The following EYS variants were observed in gnomAD, a reference collection of about 807,000 sequenced individuals.
EYS encodes the protein EGF-like photoreceptor maintenance factor, also known as protein eyes shut homolog.
EYS carries 250 observed loss-of-function variants against 282.1 expected under a neutral mutation model. The observed-to-expected ratio is 0.89, with a 90% CI of 0.80 to 0.98. EYS has a LOEUF of 0.98. Among genes scored for constraint, EYS ranks in the 50% least tolerant of loss-of-function variants. EYS has a pLI of 0.00. For synonymous variants in EYS, 1,355 were observed against 1,282.9 expected, an observed-to-expected ratio of 1.06 and a Z score of -1.20; for missense variants, 4,016 against 3,709.0, an observed-to-expected ratio of 1.08 and a Z score of -2.15.
chr6:64,159,156 G>A (rs1334138570), intron 31 of EYS, among the ~76,000 whole-genome samples: 1 of 152,122 alleles, frequency 6.6e-6, no homozygotes, highest in African/African-American at 2.4e-5. Flanking sequence ...TACAACCTAT[G>A]TACGTCCTCC....
At chr6:65,671,892 T>TG (rs1197461855) in intron 1 of EYS, among the ~76,000 whole-genome samples, 2 of 152,166 alleles carry the variant, frequency 1.3e-5, no homozygotes, top group African/African-American at 4.8e-5. Context: ...GACTGATTTC[T>TG]TCCCTATTTG....
chr6:64,120,919 T>C (rs948676372), intron 31 of EYS, among the ~76,000 whole-genome samples: 4 of 152,178 alleles, frequency 2.6e-5, no homozygotes, highest in Non-Finnish European at 5.9e-5. Flanking sequence ...ACAATCTACT[T>C]CCAAGCTCAC....
intron 12 of EYS, among the ~76,000 whole-genome samples, chr6:65,268,034 C>G (rs565188963): frequency 6.6e-6 from 1 of 151,688 alleles, no homozygotes; most frequent in South Asian, 2.1e-4. Flanking sequence ...AGGATAATTG[C>G]TAATGTAATA....
rs551516554 is a variant in EYS at position 63,735,131 on chromosome 6, C to A, written c.8072-8451G>T. On this transcript the variant is annotated intron_variant, in intron 41 of 42. Coordinates refer to ENST00000503581, the MANE Select transcript of EYS (RefSeq NM_001142800.2). ...TGCATCAGTAGCAGGTAGCACGAGG[C>A]CTTACATTGCTCAGTTTAATTTGTA... 3.3e-5 allele frequency among the ~76,000 whole-genome samples: 5 copies of A among 152,182 alleles called. No homozygotes were observed. In the East Asian group the frequency reaches 9.7e-4, roughly 29 times the overall value.
In EYS at chr6:64,217,018, T is replaced by C. The variant is rs183978460; in HGVS notation, c.6424+13574A>G. 3.9e-5 allele frequency among the ~76,000 whole-genome samples: 6 copies of C among 152,314 alleles called. No homozygotes were observed. The East Asian group carries it at 9.6e-4, about 24-fold the overall frequency. On this transcript the variant is annotated intron_variant, in intron 31 of 42. Coordinates refer to ENST00000503581, the MANE Select transcript of EYS (RefSeq NM_001142800.2). ...GTGCCTGCAGGATAACAGATTTGCT[T>C]GTAGTCATAGAAGAAACATAAAATG... is the stretch of plus-strand genomic sequence containing the variant.
At chr6:65,079,178 CTCGATA>C in intron 12 of EYS, among the ~76,000 whole-genome samples, 1 of 152,038 alleles carries the variant, frequency 6.6e-6, no homozygotes, top group African/African-American at 2.4e-5. Flanking sequence ...TGAAATTGAT[CTCGATA>C]TCAAGAAGTC....
chr6:65,657,071 A>T (rs1283456629), intron 1 of EYS, among the ~76,000 whole-genome samples: 2 of 151,880 alleles, frequency 1.3e-5, no homozygotes, highest in Non-Finnish European at 2.9e-5. Context: ...ACATCTGTTT[A>T]CAGCATGATT....
chr6:64,748,015 C>A (rs529810622), intron 22 of EYS, among the ~76,000 whole-genome samples: 2 of 152,010 alleles, frequency 1.3e-5, no homozygotes, highest in Admixed American at 6.6e-5. Context: ...TCATTTATAC[C>A]AACCAAGGTA....
chr6:64,950,792 CATATACATATATATATATATAT>C lies in EYS; in HGVS notation c.2260-4900_2260-4879del, dbSNP rs1157089983. 3.3e-4 allele frequency among the ~76,000 whole-genome samples: 20 copies of C among 60,922 alleles called. No homozygotes were observed. In the East Asian group the frequency reaches 3.6e-3, roughly 11 times the overall value. 40.0% of individuals were successfully genotyped at this position (60,922 alleles called of 152,430 possible). On this transcript the variant is annotated intron_variant, in intron 14 of 42. Transcript: ENST00000503581. ...TGAATAAAAAATATATACACATATA[CATATACATATATATATATATAT>C]ATATATATATATATATATATTGTTG... is the stretch of plus-strand genomic sequence containing the variant.
intron 5 of EYS, among the ~76,000 whole-genome samples, chr6:65,452,805 A>T (rs1260548994): frequency 6.6e-6 from 1 of 152,056 alleles, no homozygotes; most frequent in East Asian, 1.9e-4. Flanking sequence ...TATGTCATGT[A>T]CGTGGCCCAT....
At chr6:65,641,471 G>A (rs1416285191) in intron 1 of EYS, among the ~76,000 whole-genome samples, 2 of 152,144 alleles carry the variant, frequency 1.3e-5, no homozygotes, top group Admixed American at 1.3e-4. Context: ...ACCCATACTG[G>A]TTCTTCAGAG....
At chr6:64,189,299 A>G (rs1369013401) in intron 31 of EYS, among the ~76,000 whole-genome samples, 1 of 152,220 alleles carries the variant, frequency 6.6e-6, no homozygotes, top group African/African-American at 2.4e-5. Flanking sequence ...ATGGCCCACC[A>G]TCTGGTTTTG....
chr6:64,907,059 T>A (rs145739571), intron 16 of EYS, among the ~76,000 whole-genome samples: 383 of 152,242 alleles, frequency 2.5e-3, no homozygotes, highest in Middle Eastern at 0.01. Flanking sequence ...TTATTATTAT[T>A]TTTTATTATT....
At chr6:64,017,226 T>C (rs1768937441) in intron 33 of EYS, among the ~76,000 whole-genome samples, 1 of 151,876 alleles carries the variant, frequency 6.6e-6, no homozygotes, top group Non-Finnish European at 1.5e-5. Context: ...CCACACCCTG[T>C]AGTGTTGGTG....
At chr6:65,232,603 T>C (rs1226893042) in intron 12 of EYS, among the ~76,000 whole-genome samples, 2 of 152,132 alleles carry the variant, frequency 1.3e-5, no homozygotes, top group East Asian at 3.8e-4. Context: ...TCTCCTCTTA[T>C]TAACAGCTTA....
At chr6:63,849,541 A>G (rs1015214728) in intron 36 of EYS, among the ~76,000 whole-genome samples, 2 of 152,196 alleles carry the variant, frequency 1.3e-5, no homozygotes, top group African/African-American at 4.8e-5. Flanking sequence ...CAGTGTCAGG[A>G]GTGGACCTCC....
At chr6:63,758,020 C>G (rs1170645052) in intron 41 of EYS, among the ~76,000 whole-genome samples, 4 of 152,166 alleles carry the variant, frequency 2.6e-5, no homozygotes, top group Admixed American at 1.3e-4. Flanking sequence ...CTGCTTCAGC[C>G]TCCTGAGTAG....
At chr6:64,116,291 C>G (rs1773382632) in intron 31 of EYS, among the ~76,000 whole-genome samples, 1 of 151,992 alleles carries the variant, frequency 6.6e-6, no homozygotes, top group Non-Finnish European at 1.5e-5. Flanking sequence ...ATAAGAAAAC[C>G]CCTATATGGC....
chr6:65,435,685 T>C (rs185204313), intron 5 of EYS, among the ~76,000 whole-genome samples: 94 of 152,290 alleles, frequency 6.2e-4, no homozygotes, highest in African/African-American at 2.2e-3. Flanking sequence ...AAGGACTGAA[T>C]TGTGTCCTTG....
Sources: allele counts gnomAD v4.1 joint callset (sites outside exome capture counted in the v4.1 genomes callset), GRCh38; gene constraint gnomAD v4.1.1; transcripts MANE v1.5; gene names NCBI Gene and HGNC (gene_info 2026-07-23, HGNC 2026-07-21).